The following DNAH8 variants were observed in gnomAD, a reference collection of about 807,000 sequenced individuals.
DNAH8 encodes axonemal beta dynein heavy chain 8.
In DNAH8, 382 loss-of-function variants were observed where a neutral mutation model predicts 562.1. The observed-to-expected ratio is 0.68, with a 90% confidence interval of 0.63 to 0.74. DNAH8 has a LOEUF of 0.74. DNAH8 is among the 30% of genes least tolerant of loss of function. The probability of loss-of-function intolerance (pLI) is 0.00; values close to 1 mark genes in which losing one functional copy is unlikely to be tolerated. For synonymous variants in DNAH8, 1,881 were observed against 1,919.4 expected, an observed-to-expected ratio of 0.98 and a Z score of 0.52; for missense variants, 5,203 against 5,620.4, an observed-to-expected ratio of 0.93 and a Z score of 2.37.
chr6:38,970,776 A>G (rs890997388), intron 82 of DNAH8, among the ~76,000 whole-genome samples: 2 of 152,208 alleles, frequency 1.3e-5, no homozygotes, highest in Non-Finnish European at 2.9e-5. Flanking sequence ...AGAACTCAAG[A>G]AAATTTGGGT....
intron 85 of DNAH8, 69 bp downstream of exon 85, chr6:38,974,598 C>A: frequency 7.5e-7 from 1 of 1,329,730 alleles, no homozygotes; most frequent in Non-Finnish European, 1.0e-6. Context: ...ATTGGAGAGG[C>A]TTCCAGGAGG....
At chr6:38,895,030 G>A (rs1157267644) in intron 59 of DNAH8, among the ~76,000 whole-genome samples, 166 bp downstream of exon 59, 1 of 152,152 alleles carries the variant, frequency 6.6e-6, no homozygotes, top group Non-Finnish European at 1.5e-5. Flanking sequence ...CCGGGTTCAA[G>A]TGATTCTCCA....
intron 8 of DNAH8, 48 bp downstream of exon 8, chr6:38,741,935 T>C: frequency 2.0e-6 from 3 of 1,502,446 alleles, no homozygotes; most frequent in Non-Finnish European, 2.7e-6. Context: ...AACAAGCAAC[T>C]AGAAAATTAT....
intron 3 of DNAH8, 98 bp downstream of exon 3, chr6:38,723,569 A>C: frequency 7.1e-7 from 1 of 1,412,202 alleles, no homozygotes; most frequent in Non-Finnish European, 9.5e-7. Context: ...CAACAACAAA[A>C]ATCATTCAGA....
chr6:38,867,021 T>G, intron 47 of DNAH8, 145 bp downstream of exon 47: 1 of 587,836 alleles, frequency 1.7e-6, no homozygotes, highest in Non-Finnish European at 3.0e-6. Flanking sequence ...ACCTATTGGT[T>G]GTGTATTTTT....
intron 1 of DNAH8, among the ~76,000 whole-genome samples, chr6:38,715,946 A>ATTTTTTTTTT (rs1200800954): frequency 6.1e-5 from 1 of 16,520 alleles, no homozygotes; most frequent in Non-Finnish European, 1.1e-4. Flanking sequence ...ATATATATAT[A>ATTTTTTTTTT]TATATATATA....
intron 68 of DNAH8, among the ~76,000 whole-genome samples, chr6:38,916,907 A>G (rs1183217397): frequency 6.6e-6 from 1 of 152,184 alleles, no homozygotes; most frequent in African/African-American, 2.4e-5. Flanking sequence ...TCCTCTCTTA[A>G]TATCCACACC....
chr6:38,787,017 A>G (rs965049572), intron 18 of DNAH8, 65 bp downstream of exon 18: 2 of 919,004 alleles, frequency 2.2e-6, no homozygotes, highest in Admixed American at 3.2e-5. Flanking sequence ...ATATGTATAT[A>G]TATATATATA....
chr6:38,830,957 G>A (rs1016968970), intron 30 of DNAH8, among the ~76,000 whole-genome samples: 1 of 152,078 alleles, frequency 6.6e-6, no homozygotes, highest in Non-Finnish European at 1.5e-5. Flanking sequence ...TTGAGGTAAT[G>A]TATATAAAAT....
chr6:38,821,008 A>AATTGAAG (rs1772782637), intron 26 of DNAH8, among the ~76,000 whole-genome samples: 1 of 152,202 alleles, frequency 6.6e-6, no homozygotes, highest in Admixed American at 6.5e-5. Context: ...AAGTGAACTA[A>AATTGAAG]ATTGAAGATA....
At chr6:38,847,781 CTG>C (rs1264742760) in intron 36 of DNAH8, among the ~76,000 whole-genome samples, 3 of 152,208 alleles carry the variant, frequency 2.0e-5, no homozygotes, top group Non-Finnish European at 4.4e-5. Flanking sequence ...CTTGCTCTAA[CTG>C]TAGGTAGTTG....
chr6:39,011,347 C>T (rs1766195729), intron 89 of DNAH8, among the ~76,000 whole-genome samples: 1 of 152,204 alleles, frequency 6.6e-6, no homozygotes, highest in African/African-American at 2.4e-5. Flanking sequence ...TCCTGGCCTC[C>T]TGTGATCCTT....
chr6:38,906,936 A>G (rs1780525768), intron 63 of DNAH8, among the ~76,000 whole-genome samples: 2 of 152,254 alleles, frequency 1.3e-5, no homozygotes, highest in Non-Finnish European at 2.9e-5. Flanking sequence ...CTCAAAGGAC[A>G]TGCTCATTAT....
chr6:38,822,429 T>C (rs1772946746), intron 26 of DNAH8: 1 of 155,108 alleles, frequency 6.4e-6, no homozygotes, highest in Non-Finnish European at 1.4e-5. Flanking sequence ...CTCACAAGTA[T>C]ATCCACGAAG....
intron 11 of DNAH8, among the ~76,000 whole-genome samples, chr6:38,765,400 T>A (rs934279731): frequency 6.6e-6 from 1 of 152,210 alleles, no homozygotes; most frequent in Non-Finnish European, 1.5e-5. Flanking sequence ...TTCCCCGACA[T>A]TTTCCTCTAG....
chr6:38,878,905 G>A (rs940980540), intron 53 of DNAH8, among the ~76,000 whole-genome samples: 8 of 152,114 alleles, frequency 5.3e-5, no homozygotes, highest in Middle Eastern at 3.4e-3. Context: ...ATGTTAATTC[G>A]CTTGTAATAA....
intron 86 of DNAH8, among the ~76,000 whole-genome samples, chr6:38,983,028 G>C (rs1764138148): frequency 6.6e-6 from 1 of 152,166 alleles, no homozygotes; most frequent in Admixed American, 6.5e-5. Flanking sequence ...TACTGATGAG[G>C]TAACAGACAG....
rs70981590 is a variant in DNAH8 at position 38,818,537 on chromosome 6, C to CAAAAAAAAAAAAAAAAAAAAAAA, written c.3523+2896_3523+2897insAAAAAAAAAAAAAAAAAAAAAAA. 4.7e-4 allele frequency among the ~76,000 whole-genome samples: 36 copies of CAAAAAAAAAAAAAAAAAAAAAAA among 75,824 alleles called. 2 individuals are homozygous for CAAAAAAAAAAAAAAAAAAAAAAA. Among genetic ancestry groups the CAAAAAAAAAAAAAAAAAAAAAAA allele is most frequent in the African/African-American group, 1.6e-3 (26 of 16,118 alleles). The allele number at this position is 75,824 out of a possible 152,430, so 49.7% of individuals were successfully genotyped here. A position where few individuals can be genotyped will look rare whatever the true frequency, so the allele number is the denominator to read the frequency against. On this transcript the variant is annotated intron_variant, in intron 26 of 92. Coordinates refer to ENST00000327475, the MANE Select transcript of DNAH8 (RefSeq NM_001206927.2). ...CAAAATAAGAAAGCAAAAGCAAAAGCAAAAAAAAAAAAAAAAGAAGATATG... is the reference window on the plus strand; with the variant it reads ...CAAAATAAGAAAGCAAAAGCAAAAGCAAAAAAAAAAAAAAAAAAAAAAAAAAAAAAAAAAAAAAAGAAGATATG...
At chr6:38,867,979 C>T (rs749383591) in intron 47 of DNAH8, 83 bp from the exon 48 acceptor site, 173 of 1,359,194 alleles carry the variant, frequency 1.3e-4, no homozygotes, top group Non-Finnish European at 1.6e-4. Context: ...GTATCAGAAT[C>T]GACCTATATG....
Sources: gnomAD v4.1 joint callset for allele counts (sites outside exome capture counted in the v4.1 genomes callset) on GRCh38, gnomAD v4.1.1 for gene constraint, MANE v1.5 for transcripts, NCBI Gene and HGNC (gene_info 2026-07-23, HGNC 2026-07-21) for gene names.